Variants in CAST observed in about 807,000 individuals in gnomAD.
CAST encodes the protein MIR583 host.
In CAST, 76 loss-of-function variants were observed where a neutral mutation model predicts 119.6. The observed-to-expected ratio is 0.64, with a 90% CI of 0.53 to 0.77. CAST has a LOEUF of 0.77. Ranked by LOEUF, CAST falls within the 30% of genes least tolerant of loss-of-function variation. The pLI, the probability that CAST is intolerant of heterozygous loss-of-function variation, is 0.00. For missense variants in CAST, 953 were observed against 946.5 expected (o/e 1.01, Z -0.09); for synonymous variants, 319 against 331.6 (o/e 0.96, Z 0.41).
the CAST span, among the ~76,000 whole-genome samples, chr5:96,312,273 C>T: frequency 6.6e-6 from 1 of 152,060 alleles, no homozygotes; most frequent in Non-Finnish European, 1.5e-5. Flanking sequence ...ATTTTCTCTA[C>T]AGGCTCTCCT....
chr5:96,084,837 A>G, the CAST span, among the ~76,000 whole-genome samples: 2 of 152,172 alleles, frequency 1.3e-5, no homozygotes, highest in Non-Finnish European at 2.9e-5. Context: ...ATGTACCTGA[A>G]GTGGGTGGTC....
chr5:96,737,783 G>T (rs1010912670), intron 10 of CAST, 66 bp from the exon 11 acceptor site: 5 of 870,016 alleles, frequency 5.7e-6, no homozygotes, highest in Admixed American at 2.4e-5. Context: ...GGCTTTTTTT[G>T]TAGTTAAACT....
the CAST span, among the ~76,000 whole-genome samples, chr5:96,336,620 G>T: frequency 6.6e-6 from 1 of 152,212 alleles, no homozygotes; most frequent in African/African-American, 2.4e-5. Flanking sequence ...CAAACCCACA[G>T]TGTTAAGGCA....
chr5:96,622,651 G>T (rs1747636922), intron 1 of CAST, among the ~76,000 whole-genome samples: 1 of 152,110 alleles, frequency 6.6e-6, no homozygotes, highest in Non-Finnish European at 1.5e-5. Context: ...GCTAGTATTG[G>T]AGAAGTTTGG....
chr5:96,353,947 A>C, the CAST span, among the ~76,000 whole-genome samples: 1 of 152,094 alleles, frequency 6.6e-6, no homozygotes, highest in Admixed American at 6.6e-5. Flanking sequence ...ACCTTGACTA[A>C]TACCTGCTTT....
chr5:96,604,850 A>G (rs1011000429), intron 1 of CAST, among the ~76,000 whole-genome samples: 1 of 152,236 alleles, frequency 6.6e-6, no homozygotes, highest in African/African-American at 2.4e-5. Context: ...AGCAGCTCAG[A>G]AGAGTGGGCT....
chr5:96,654,004 T>C (rs1361486758), intron 1 of CAST, among the ~76,000 whole-genome samples: 2 of 149,676 alleles, frequency 1.3e-5, no homozygotes, highest in Non-Finnish European at 3.0e-5. Flanking sequence ...CTCTCCTTTC[T>C]CCTTATCGTT....
chr5:96,200,171 C>G, the CAST span, among the ~76,000 whole-genome samples: 138 of 152,166 alleles, frequency 9.1e-4, 1 homozygote, highest in African/African-American at 3.1e-3. Context: ...TACCTGTACC[C>G]CAAATCACCC....
At chr5:96,535,577 T>G (rs569632835) in intron 1 of CAST, among the ~76,000 whole-genome samples, 49 of 139,416 alleles carry the variant, frequency 3.5e-4, no homozygotes, top group African/African-American at 1.3e-3. Flanking sequence ...TTTTTTTTTT[T>G]TTTTTTTTTT....
At chr5:96,200,667 G>A in the CAST span, among the ~76,000 whole-genome samples, 1 of 152,102 alleles carries the variant, frequency 6.6e-6, no homozygotes, top group Non-Finnish European at 1.5e-5. Flanking sequence ...GATCAAGGAT[G>A]CTCAACTCTG....
intron 2 of CAST, among the ~76,000 whole-genome samples, chr5:96,676,260 C>A (rs937850819): frequency 1.3e-5 from 2 of 152,176 alleles, no homozygotes; most frequent in Non-Finnish European, 2.9e-5. Context: ...CTCAATATAA[C>A]TGGATGATAC....
chr5:96,761,264 A>G (rs77519324), intron 24 of CAST: 2 of 152,236 alleles, frequency 1.3e-5, no homozygotes, highest in Admixed American at 6.5e-5. Context: ...AAATGTTTCA[A>G]TGTCATTCTT....
the CAST span, among the ~76,000 whole-genome samples, chr5:96,478,792 C>T: frequency 3.0e-4 from 46 of 152,314 alleles, no homozygotes; most frequent in African/African-American, 9.9e-4. Context: ...CTGCACCCTC[C>T]AGAAACCATA....
the CAST span, among the ~76,000 whole-genome samples, chr5:96,311,398 G>C: frequency 6.6e-6 from 1 of 152,044 alleles, no homozygotes; most frequent in African/African-American, 2.4e-5. Context: ...TTCTGTTGCT[G>C]TTGGATGGAA....
chr5:96,613,388 T>C (rs907675766), intron 1 of CAST, among the ~76,000 whole-genome samples: 1 of 152,194 alleles, frequency 6.6e-6, no homozygotes, highest in African/African-American at 2.4e-5. Flanking sequence ...TATTTGCACA[T>C]CCTTTGTTAG....
At chr5:96,736,784 G>A (rs1761737055) in intron 10 of CAST, among the ~76,000 whole-genome samples, 2 of 151,976 alleles carry the variant, frequency 1.3e-5, no homozygotes, top group South Asian at 2.1e-4. Context: ...TGTTCATAAC[G>A]AGTCATCAAC....
the CAST span, among the ~76,000 whole-genome samples, chr5:96,396,543 C>A: frequency 7.2e-6 from 1 of 139,088 alleles, no homozygotes; most frequent in African/African-American, 2.8e-5. Context: ...GCCTGGGTGA[C>A]AGAGCAAGAC....
At chr5:96,764,680 A>G (rs1316721539) in intron 25 of CAST, among the ~76,000 whole-genome samples, 1 of 152,174 alleles carries the variant, frequency 6.6e-6, no homozygotes, top group African/African-American at 2.4e-5. Flanking sequence ...GTCACGCTGC[A>G]CTTTCTGAAA....
chr5:96,518,703 C>G, the CAST span, among the ~76,000 whole-genome samples: 2 of 152,144 alleles, frequency 1.3e-5, no homozygotes, highest in Non-Finnish European at 2.9e-5. Flanking sequence ...CCCTGCTCAA[C>G]AGCAGGCATC....
Sources: allele counts gnomAD v4.1 joint callset (sites outside exome capture counted in the v4.1 genomes callset), GRCh38; gene constraint gnomAD v4.1.1; transcripts MANE v1.5; gene names NCBI Gene and HGNC (gene_info 2026-07-23, HGNC 2026-07-21).